Variants in AKAP13 observed in about 807,000 individuals in gnomAD.
AKAP13 encodes the protein A-kinase anchoring protein 13.
In AKAP13, 80 loss-of-function variants were observed where a neutral mutation model predicts 264.5. The observed-to-expected ratio is 0.30, with a 90% confidence interval of 0.25 to 0.36. The LOEUF is 0.36. AKAP13 is among the 10% of genes least tolerant of loss of function. The probability of loss-of-function intolerance (pLI) is 1.00; values close to 1 mark genes in which losing one functional copy is unlikely to be tolerated. For synonymous variants in AKAP13, 1,380 were observed against 1,250.2 expected (o/e 1.10, Z -2.19); for missense variants, 3,712 against 3,435.2 (o/e 1.08, Z -2.01).
intron 1 of AKAP13, among the ~76,000 whole-genome samples, chr15:85,439,713 C>T (rs1255324162): frequency 8.3e-5 from 12 of 143,984 alleles, no homozygotes; most frequent in East Asian, 2.0e-4. Context: ...AGTAAACTAT[C>T]GCAAGAACAA....
intron 3 of AKAP13, among the ~76,000 whole-genome samples, chr15:85,529,402 C>T (rs2077180427): frequency 6.6e-6 from 1 of 152,184 alleles, no homozygotes; most frequent in Non-Finnish European, 1.5e-5. Context: ...GCCTGGGAGA[C>T]AGAGCGAGAC....
At chr15:85,589,096 T>A (rs2079479739) in intron 8 of AKAP13, among the ~76,000 whole-genome samples, 1 of 152,188 alleles carries the variant, frequency 6.6e-6, no homozygotes, top group African/African-American at 2.4e-5. Context: ...TTCTCCGTGG[T>A]GCTCTGACAA....
chr15:85,381,671 C>G (rs2070279697), intron 1 of AKAP13: 1 of 151,696 alleles, frequency 6.6e-6, no homozygotes, highest in African/African-American at 2.4e-5. Flanking sequence ...TGATACCGTC[C>G]CATTTAATTT....
chr15:85,583,107 C>T, intron 7 of AKAP13: 1 of 985,448 alleles, frequency 1.0e-6, no homozygotes, highest in Non-Finnish European at 1.2e-6. Context: ...TATACCACCA[C>T]CTGTTACCAG....
At chr15:85,681,134 G>C (rs907928946) in intron 14 of AKAP13, among the ~76,000 whole-genome samples, 1 of 152,104 alleles carries the variant, frequency 6.6e-6, no homozygotes, top group Non-Finnish European at 1.5e-5. Flanking sequence ...CTGGTAGTCT[G>C]GTAGTAGAAC....
chr15:85,454,648 T>TA (rs953260167), intron 1 of AKAP13, among the ~76,000 whole-genome samples: 3 of 151,746 alleles, frequency 2.0e-5, no homozygotes, highest in African/African-American at 2.4e-5. Context: ...TTAAACTGTT[T>TA]AAAAAAAAAT....
At chr15:85,728,552 A>C (rs867944174) in intron 29 of AKAP13, among the ~76,000 whole-genome samples, 2 of 152,248 alleles carry the variant, frequency 1.3e-5, no homozygotes, top group Non-Finnish European at 1.5e-5. Context: ...CAGGGGAGAC[A>C]TACATCAATG....
intron 2 of AKAP13, among the ~76,000 whole-genome samples, chr15:85,489,672 C>G (rs897253061): frequency 6.6e-6 from 1 of 152,176 alleles, no homozygotes; most frequent in Non-Finnish European, 1.5e-5. Flanking sequence ...AGGAAAAACA[C>G]TGTACCCGGA....
At chr15:85,644,589 C>A (rs532821998) in intron 9 of AKAP13, among the ~76,000 whole-genome samples, 14 of 148,922 alleles carry the variant, frequency 9.4e-5, no homozygotes, top group East Asian at 6.1e-4. Context: ...GTGGCTCACA[C>A]CTGTAATCCC....
chr15:85,619,066 C>T (rs1014608098), intron 8 of AKAP13, among the ~76,000 whole-genome samples: 5 of 151,552 alleles, frequency 3.3e-5, no homozygotes, highest in Non-Finnish European at 5.9e-5. Context: ...AGTATAACAC[C>T]CCCCTTCCTT....
intron 30 of AKAP13, among the ~76,000 whole-genome samples, chr15:85,733,870 TTTC>T (rs1242557457): frequency 4.4e-5 from 6 of 135,144 alleles, no homozygotes; most frequent in East Asian, 2.1e-4. Context: ...TTTTCTTTCT[TTTC>T]TTTTTTTTTT....
At position 85,446,001 on chromosome 15, in the gene AKAP13, A is replaced by T. The variant is rs139767279; in HGVS notation, c.-11-39709A>T. Among the ~76,000 whole-genome samples, 1,086 of 152,286 alleles carry T rather than the reference A, an allele frequency of 7.1e-3. 4 individuals are homozygous for T. Among genetic ancestry groups the T allele is most frequent in the Middle Eastern group, 0.02 (6 of 294 alleles). On this transcript the variant is annotated intron_variant, in intron 1 of 36. Coordinates refer to ENST00000394518, the MANE Select transcript of AKAP13 (RefSeq NM_007200.5). ...AATCCCCCCCTTTGTTTAAAAATAT[A>T]CACTTTTTTCTATTTATTTTGATTT...
intron 5 of AKAP13, 154 bp downstream of exon 5, chr15:85,544,109 C>A: frequency 1.2e-6 from 1 of 869,392 alleles, no homozygotes; most frequent in Non-Finnish European, 1.9e-6. Context: ...TGTAAGCTTG[C>A]TCCTGCTAAC....
chr15:85,690,704 AT>A (rs1430478155), intron 16 of AKAP13, among the ~76,000 whole-genome samples: 1 of 152,210 alleles, frequency 6.6e-6, no homozygotes, highest in Non-Finnish European at 1.5e-5. Context: ...CTGGGTTCCC[AT>A]TTTGACTGTG....
intron 1 of AKAP13, among the ~76,000 whole-genome samples, chr15:85,441,174 C>T (rs898512659): frequency 9.9e-5 from 15 of 152,122 alleles, no homozygotes; most frequent in Non-Finnish European, 1.9e-4. Flanking sequence ...CAGTTTTCCA[C>T]ACATTTTGCC....
At chr15:85,626,609 A>G (rs568287438) in intron 8 of AKAP13, among the ~76,000 whole-genome samples, 16 of 152,350 alleles carry the variant, frequency 1.1e-4, no homozygotes, top group Non-Finnish European at 1.8e-4. Flanking sequence ...ATTCAATTGT[A>G]AGTATATACC....
intron 8 of AKAP13, among the ~76,000 whole-genome samples, chr15:85,591,743 T>C (rs552682871): frequency 4.6e-5 from 7 of 152,318 alleles, no homozygotes; most frequent in Admixed American, 3.3e-4. Flanking sequence ...CTTCAAGATA[T>C]GGCCAAGTTC....
intron 16 of AKAP13, 180 bp from the exon 17 acceptor site, chr15:85,693,097 T>C: frequency 9.2e-7 from 1 of 1,092,890 alleles, no homozygotes. Flanking sequence ...CTAATGTAGC[T>C]TGCGTGCCAA....
At chr15:85,622,543 G>A (rs1387956047) in intron 8 of AKAP13, among the ~76,000 whole-genome samples, 8 of 152,302 alleles carry the variant, frequency 5.3e-5, no homozygotes, top group South Asian at 2.1e-4. Context: ...CTCAGTGTAC[G>A]TGTTGAAAAG....
Sources: gnomAD v4.1 joint callset for allele counts (sites outside exome capture counted in the v4.1 genomes callset) on GRCh38, gnomAD v4.1.1 for gene constraint, MANE v1.5 for transcripts, NCBI Gene and HGNC (gene_info 2026-07-23, HGNC 2026-07-21) for gene names.